ZC3H6: variants seen among roughly 807,000 people sequenced by gnomAD.
ZC3H6 encodes the protein zinc finger CCCH-type containing 6.
Under a neutral mutation model 107.7 loss-of-function variants are expected in ZC3H6, and 40 were observed. That is an observed-to-expected ratio of 0.37 (90% CI 0.29 to 0.48). The LOEUF is 0.48. ZC3H6 is among the 20% of genes least tolerant of loss of function. The probability of loss-of-function intolerance (pLI) is 0.98; values close to 1 mark genes in which losing one functional copy is unlikely to be tolerated. For synonymous variants in ZC3H6, 493 were observed against 487.9 expected, an observed-to-expected ratio of 1.01 and a Z score of -0.14; for missense variants, 1,267 against 1,410.4, an observed-to-expected ratio of 0.90 and a Z score of 1.63.
chr2:112,324,898 A>G, intron 10 of ZC3H6, 66 bp from the exon 11 acceptor site: 1 of 1,409,610 alleles, frequency 7.1e-7, no homozygotes, highest in African/African-American at 1.4e-5. Flanking sequence ...GAAAGCTTTC[A>G]TTTCTTATGA....
In ZC3H6 at chr2:112,327,134, A is replaced by G. The variant is rs543434396; in HGVS notation, c.2086+1937A>G. Among the ~76,000 whole-genome samples, 14 of 152,116 alleles carry G rather than the reference A, an allele frequency of 9.2e-5. No homozygotes were observed. The East Asian group carries it at 2.5e-3, about 27-fold the overall frequency. ...AGTGGTCGTACTAATTTACTTTCCC[A>G]CCAACGGTGTATGAAGGTTCTCTTT... On this transcript the variant is annotated intron_variant, in intron 11 of 11. Coordinates refer to ENST00000409871, the MANE Select transcript of ZC3H6 (RefSeq NM_198581.3).
At chr2:112,296,708 A>T (rs562769304) in intron 1 of ZC3H6, among the ~76,000 whole-genome samples, 17 of 152,318 alleles carry the variant, frequency 1.1e-4, no homozygotes, top group African/African-American at 4.1e-4. Flanking sequence ...GTCGTATCAT[A>T]TGCCTCTTCT....
At chr2:112,299,515 C>T (rs1446978957) in intron 1 of ZC3H6, among the ~76,000 whole-genome samples, 4 of 151,978 alleles carry the variant, frequency 2.6e-5, no homozygotes, top group African/African-American at 7.3e-5. Context: ...TAGATGGTAA[C>T]TATTGGAGTA....
chr2:112,332,220 C>G lies in ZC3H6; in HGVS notation c.3302C>G (p.Pro1101Arg). The change falls in exon 12 of 12, where the codon CCA becomes CGA. Residue 1101 changes from proline (P) to arginine (R), a missense_variant. Pro to Arg is a moderately radical substitution (Grantham distance 103, BLOSUM62 -2). Coordinates refer to ENST00000409871, the MANE Select transcript of ZC3H6 (RefSeq NM_198581.3). Reference sequence around the variant, plus strand: ...GCCATCCTTCCACAAAAACCCAGTCCAAACGTGGGAGTCACTCTTGAGGGG... The same window carrying G: ...GCCATCCTTCCACAAAAACCCAGTCGAAACGTGGGAGTCACTCTTGAGGGG... ...GEAILPQKPS[P>R]NVGVTLEGPA... The G allele has an allele frequency of 1.2e-6, 2 of 1,613,944 alleles. No individual in the cohort carries two copies. Among genetic ancestry groups the G allele is most frequent in the Non-Finnish European group, 1.7e-6 (2 of 1,179,874 alleles).
chr2:112,324,120 G>A, intron 9 of ZC3H6, 32 bp from the exon 10 acceptor site: 5 of 1,519,644 alleles, frequency 3.3e-6, no homozygotes, highest in Non-Finnish European at 4.4e-6. Flanking sequence ...CTTTTTCTTT[G>A]AACTAAGAAA....
intron 11 of ZC3H6, among the ~76,000 whole-genome samples, chr2:112,326,717 A>G (rs1433661874): frequency 6.6e-6 from 1 of 152,258 alleles, no homozygotes; most frequent in African/African-American, 2.4e-5. Context: ...GGTTCAAGCA[A>G]TTCTCGTGCC....
Position 112,324,434 on chromosome 2 carries a change from T to A in ZC3H6, c.1623T>A (p.Ser541=). Reference sequence around the variant, plus strand: ...GAGTGCTTGTTCAACCAGACACATCTTTGACACCACCAAGTATGGGTGGGG... The same window carrying A: ...GAGTGCTTGTTCAACCAGACACATCATTGACACCACCAAGTATGGGTGGGG... ...QAGVLVQPDT[S]LTPPSMGGAY... The change falls in exon 10 of 12, where the codon TCT becomes TCA. Residue 541 remains serine, a synonymous_variant. Transcript: ENST00000409871. 6.2e-7 allele frequency: 1 copy of A among 1,613,994 alleles called. No individual in the cohort carries two copies. The highest frequency in any genetic ancestry group is 2.2e-5 in the East Asian group (1 of 44,880).
Position 112,331,691 on chromosome 2 carries a change from A to G in ZC3H6, c.2773A>G (p.Thr925Ala), listed in dbSNP as rs770220022. Residue 925 changes from threonine to alanine, a missense_variant, in exon 12 of 12, where the codon ACA (threonine) becomes GCA (alanine). Physicochemically the swap from Thr to Ala is moderately conservative, Grantham distance 58 (BLOSUM62 0). Transcript: ENST00000409871. ...WNTKSDLHQN[T>A]VSIDPKLAAK... ...TACAAAAAGTGATCTTCATCAAAAT[A>G]CAGTGTCCATTGATCCAAAATTAGC... is the stretch of plus-strand genomic sequence containing the variant. 5 of 1,613,966 alleles carry G rather than the reference A, an allele frequency of 3.1e-6. No homozygotes were observed. The highest frequency in any genetic ancestry group is 1.6e-4 in the Middle Eastern group (1 of 6,062).
rs1573969251 is a variant in ZC3H6 at position 112,334,860 on chromosome 2, G to A, written c.*2372G>A. On this transcript the variant is annotated 3_prime_UTR_variant, in exon 12 of 12. Transcript: ENST00000409871. ...GTCAATTGGTGTTTTTAGAATCCAT[G>A]TAATTTGATTTGCACTGTTAGATTG... The A allele has an allele frequency of 6.6e-6, 1 of 152,496 alleles. No individual in the cohort carries two copies. The highest frequency in any genetic ancestry group is 1.9e-4 in the East Asian group (1 of 5,202). The allele number at this position is 152,496 out of a possible 1,614,324, so 9.4% of individuals were successfully genotyped here.
intron 4 of ZC3H6, 61 bp from the exon 5 acceptor site, chr2:112,311,743 C>G: frequency 4.1e-6 from 6 of 1,453,234 alleles, no homozygotes; most frequent in Non-Finnish European, 5.6e-6. Context: ...TCCTTATAAA[C>G]TAATAAATTG....
chr2:112,284,156 T>A (rs560370828), intron 1 of ZC3H6, among the ~76,000 whole-genome samples: 62 of 151,744 alleles, frequency 4.1e-4, no homozygotes, highest in African/African-American at 1.5e-3. Context: ...CTGGTGCTTC[T>A]GTGTGGGGTT....
At chr2:112,312,870 A>T (rs1261393236) in intron 5 of ZC3H6, among the ~76,000 whole-genome samples, 1 of 151,796 alleles carries the variant, frequency 6.6e-6, no homozygotes, top group Non-Finnish European at 1.5e-5. Flanking sequence ...AAAATAAAAA[A>T]AAAAAAAAAG....
intron 1 of ZC3H6, among the ~76,000 whole-genome samples, chr2:112,282,506 T>A (rs1686545644): frequency 1.3e-5 from 2 of 152,180 alleles, no homozygotes; most frequent in Non-Finnish European, 2.9e-5. Context: ...GGGAAATAGG[T>A]CCTATTATTA....
intron 1 of ZC3H6, 55 bp downstream of exon 1, chr2:112,276,081 GGC>G: frequency 1.3e-6 from 2 of 1,511,792 alleles, no homozygotes; most frequent in Non-Finnish European, 1.8e-6. Context: ...GGTCTGGGGC[GGC>G]GGGAGCGGGC....
rs763333779 is a variant in ZC3H6 at position 112,310,058 on chromosome 2, G to C, written c.510G>C (p.Gln170His). ...GQETEEDFAN[Q>H]LKQYRQAKET... The stretch of plus-strand genomic sequence containing the variant: ...AAACAGAGGAAGATTTTGCCAATCA[G>C]CTGAAACAATACAGGCAAGCTAAAG... The change falls in exon 4 of 12, where the codon CAG becomes CAC. Residue 170 changes from glutamine to histidine, a missense_variant. Gln to His is a conservative substitution (Grantham distance 24). Around this residue, in one of 3 missense-constraint regions of ZC3H6, gnomAD observed 337 missense variants for 361.2 expected, o/e 0.93. Transcript: ENST00000409871. The C allele has an allele frequency of 6.2e-6, 10 of 1,613,372 alleles. No individual in the cohort carries two copies. The East Asian group carries it at 2.2e-4, about 36-fold the overall frequency.
rs1007963159 is a variant in ZC3H6 at position 112,275,759 on chromosome 2, C to T, written c.-236C>T. On this transcript the variant is annotated 5_prime_UTR_variant, in exon 1 of 12. Transcript: ENST00000409871. ...GACTAGAGCGGCAGCGCCGGCAGCG[C>T]GGGGCCGTTGCCCAGTGTTTGCAGT... 36 of 439,920 alleles carry T rather than the reference C, an allele frequency of 8.2e-5. No individual in the cohort carries two copies. Among genetic ancestry groups the T allele is most frequent in the Non-Finnish European group, 1.4e-4 (34 of 247,806 alleles). 27.3% of individuals were successfully genotyped at this position (439,920 alleles called of 1,614,324 possible). A position where few individuals can be genotyped will look rare whatever the true frequency, so the allele number is the denominator to read the frequency against.
intron 1 of ZC3H6, among the ~76,000 whole-genome samples, chr2:112,290,620 G>A (rs553027640): frequency 1.2e-4 from 18 of 150,876 alleles, no homozygotes; most frequent in East Asian, 3.9e-4. Context: ...TGAGAACATG[G>A]TGAATAAATA....
At chr2:112,296,188 C>CT (rs904840060) in intron 1 of ZC3H6, among the ~76,000 whole-genome samples, 4 of 151,944 alleles carry the variant, frequency 2.6e-5, no homozygotes, top group African/African-American at 9.7e-5. Flanking sequence ...CTTAATACCC[C>CT]TTTTTTTGTC....
At chr2:112,323,963 C>T (rs975417454) in intron 9 of ZC3H6, among the ~76,000 whole-genome samples, 189 bp from the exon 10 acceptor site, 9 of 152,098 alleles carry the variant, frequency 5.9e-5, no homozygotes, top group Non-Finnish European at 1.0e-4. Context: ...AGCAAGTGGG[C>T]TAAAATGAAA....
Sources: allele counts gnomAD v4.1 joint callset (sites outside exome capture counted in the v4.1 genomes callset), GRCh38; gene constraint gnomAD v4.1.1; regional missense constraint gnomAD v4.1.1; transcripts MANE v1.5; gene names NCBI Gene and HGNC (gene_info 2026-07-23, HGNC 2026-07-21).